Variants in IL4R observed in about 807,000 individuals in gnomAD.
IL4R encodes interleukin 4 receptor, also known as interleukin-4 receptor subunit alpha.
IL4R carries 17 observed loss-of-function variants against 41.5 expected under a neutral mutation model. The ratio of observed to expected loss-of-function variants is 0.41; its 90% CI spans 0.28 to 0.61. The LOEUF is 0.61. IL4R is among the 20% of genes least tolerant of loss of function. IL4R has a pLI of 0.31. For missense variants in IL4R, 974 were observed against 1,043.1 expected (o/e 0.93, Z 0.91); for synonymous variants, 402 against 422.9 (o/e 0.95, Z 0.61).
chr16:27,331,059 C>T (rs2141094573), intron 2 of IL4R, among the ~76,000 whole-genome samples: 1 of 152,116 alleles, frequency 6.6e-6, no homozygotes, highest in South Asian at 2.1e-4. Context: ...TCCCCCCAGA[C>T]TTCTCAAAAA....
At chr16:27,356,091 T>C (rs796672557) in intron 8 of IL4R, among the ~76,000 whole-genome samples, 184 bp downstream of exon 8, 14 of 127,786 alleles carry the variant, frequency 1.1e-4, no homozygotes, top group South Asian at 4.5e-4. Flanking sequence ...TTTCTTTTTT[T>C]TTTTTTTTTT....
At chr16:27,361,993 T>A (rs2086307847) in intron 10 of IL4R, among the ~76,000 whole-genome samples, 1 of 152,198 alleles carries the variant, frequency 6.6e-6, no homozygotes, top group Non-Finnish European at 1.5e-5. Context: ...ATAAAGACTT[T>A]TTCTTACTCA....
intron 2 of IL4R, among the ~76,000 whole-genome samples, chr16:27,335,036 C>G (rs1443034893): frequency 6.6e-6 from 1 of 152,102 alleles, no homozygotes; most frequent in Non-Finnish European, 1.5e-5. Flanking sequence ...GCACCCCTGG[C>G]ACTTCGTGAG....
chr16:27,358,870 C>A (rs748151455), intron 8 of IL4R, 46 bp from the exon 9 acceptor site: 38 of 1,431,588 alleles, frequency 2.7e-5, no homozygotes, highest in Non-Finnish European at 3.6e-5. Flanking sequence ...GGAGCGTTCA[C>A]CTGTCAATAA....
At chr16:27,359,107 T>A in intron 9 of IL4R, 113 bp downstream of exon 9, 1 of 784,804 alleles carries the variant, frequency 1.3e-6, no homozygotes, top group African/African-American at 1.7e-5. Context: ...AAATAGACAG[T>A]CAGGAGGGTT....
At chr16:27,351,418 A>G (rs773878987) in intron 6 of IL4R, among the ~76,000 whole-genome samples, 1 of 151,992 alleles carries the variant, frequency 6.6e-6, no homozygotes, top group Non-Finnish European at 1.5e-5. Flanking sequence ...ACTCGAGAAG[A>G]CCAGATGACA....
At chr16:27,325,231 C>G (rs913669331) in intron 1 of IL4R, among the ~76,000 whole-genome samples, 18 of 151,906 alleles carry the variant, frequency 1.2e-4, no homozygotes, top group Admixed American at 1.2e-3. Context: ...CCTGCCTATT[C>G]GCTGGGTCTT....
intron 2 of IL4R, among the ~76,000 whole-genome samples, chr16:27,333,789 C>T (rs1050667896): frequency 6.6e-6 from 1 of 152,034 alleles, no homozygotes; most frequent in Non-Finnish European, 1.5e-5. Flanking sequence ...AGCAGCATGT[C>T]AGAAGTGGGG....
At chr16:27,339,272 G>A (rs2085360312) in intron 2 of IL4R, among the ~76,000 whole-genome samples, 1 of 152,120 alleles carries the variant, frequency 6.6e-6, no homozygotes, top group African/African-American at 2.4e-5. Context: ...CCGAGTAGCT[G>A]GGACTAGAGA....
intron 8 of IL4R, among the ~76,000 whole-genome samples, chr16:27,358,159 G>A (rs1242114341): frequency 6.6e-6 from 1 of 152,212 alleles, no homozygotes; most frequent in Admixed American, 6.5e-5. Context: ...CTCCCAAAGT[G>A]CTGGGATTAC....
intron 8 of IL4R, 67 bp downstream of exon 8, chr16:27,355,974 C>G (rs2086060382): frequency 9.6e-7 from 1 of 1,046,256 alleles, no homozygotes; most frequent in Non-Finnish European, 1.5e-6. Context: ...ACTTGCCCCT[C>G]TAGTCTGCCC....
rs148323745 is a variant in IL4R, at chr16:27,362,268, C to T, written c.916C>T (p.Leu306Phe). ...CTTTTGCAGACACTGGAAGAATTGT[C>T]TTACCAAGCTCTTGCCCTGTTTTCT... ...PAKCPHWKNC[L>F]TKLLPCFLEH... Residue 306 changes from leucine (L) to phenylalanine (F), a missense_variant, in exon 11 of 11, where the codon CTT (leucine) becomes TTT (phenylalanine). Leu to Phe is a conservative substitution (Grantham distance 22). Transcript: ENST00000395762. The T allele has an allele frequency of 1.9e-6, 3 of 1,613,970 alleles. No homozygotes were observed. In the African/African-American group the frequency reaches 4.0e-5, roughly 22 times the overall value.
chr16:27,337,426 A>G (rs1213730042), intron 2 of IL4R, among the ~76,000 whole-genome samples: 2 of 152,184 alleles, frequency 1.3e-5, no homozygotes, highest in Non-Finnish European at 2.9e-5. Context: ...TGTTAATGGC[A>G]AAGAACTACT....
In IL4R at chr16:27,363,510, C is replaced by G; in HGVS notation, c.2158C>G (p.Leu720Val). ...GIVYSALTCHLCGHLKQCHGQ... is the reference protein window; with the variant it reads ...GIVYSALTCHVCGHLKQCHGQ... Reference sequence around the variant, plus strand: ...TGTCTACTCAGCCCTTACCTGCCACCTGTGCGGCCACCTGAAACAGTGTCA... The same window carrying G: ...TGTCTACTCAGCCCTTACCTGCCACGTGTGCGGCCACCTGAAACAGTGTCA... Residue 720 changes from leucine (L) to valine (V), a missense_variant, in exon 11 of 11, where the codon CTG (leucine) becomes GTG (valine). Physicochemically the swap from Leu to Val is conservative, Grantham distance 32. Around this residue, in one of 3 missense-constraint regions of IL4R, gnomAD observed 682 missense variants for 704.3 expected, o/e 0.97. Coordinates refer to ENST00000395762, the MANE Select transcript of IL4R (RefSeq NM_000418.4). 1.9e-6 allele frequency: 3 copies of G among 1,614,192 alleles called. No homozygotes were observed. Among genetic ancestry groups the G allele is most frequent in the Non-Finnish European group, 1.7e-6 (2 of 1,180,032 alleles).
chr16:27,346,754 C>A, intron 6 of IL4R, 136 bp downstream of exon 6: 1 of 934,588 alleles, frequency 1.1e-6, no homozygotes, highest in Non-Finnish European at 1.6e-6. Context: ...GAGCTAGAGA[C>A]CTGGCTTCTC....
rs141806567 is a variant in IL4R at position 27,322,649 on chromosome 16, G to A, written c.-151-7417G>A. On this transcript the variant is annotated intron_variant, in intron 1 of 10. Coordinates refer to ENST00000395762, the MANE Select transcript of IL4R (RefSeq NM_000418.4). ...CACTTGAGACCAGGAATTCAAGGCC[G>A]CAGTGAGCTATGATTGCTCCACTGC... Among the ~76,000 whole-genome samples, 308 of 152,234 alleles carry A rather than the reference G, an allele frequency of 2.0e-3. 3 individuals are homozygous for A. The highest frequency in any genetic ancestry group is 1.5e-3 in the Non-Finnish European group (105 of 68,006).
At chr16:27,356,931 A>T (rs1596534135) in intron 8 of IL4R, among the ~76,000 whole-genome samples, 1 of 152,134 alleles carries the variant, frequency 6.6e-6, no homozygotes, top group Non-Finnish European at 1.5e-5. Flanking sequence ...TGGTGGAAGG[A>T]GCCTCGTTTC....
chr16:27,350,974 C>G (rs1019275779), intron 6 of IL4R, among the ~76,000 whole-genome samples: 6 of 152,226 alleles, frequency 3.9e-5, no homozygotes, highest in Admixed American at 3.3e-4. Flanking sequence ...AATAATGGTA[C>G]TACCAGCTTC....
At chr16:27,356,708 T>C (rs1019722585) in intron 8 of IL4R, among the ~76,000 whole-genome samples, 2 of 152,064 alleles carry the variant, frequency 1.3e-5, no homozygotes, top group Non-Finnish European at 1.5e-5. Flanking sequence ...CCAGAGGAAT[T>C]TGCGACGATT....
Sources: allele counts gnomAD v4.1 joint callset (sites outside exome capture counted in the v4.1 genomes callset), GRCh38; gene constraint gnomAD v4.1.1; regional missense constraint gnomAD v4.1.1; transcripts MANE v1.5; gene names NCBI Gene and HGNC (gene_info 2026-07-23, HGNC 2026-07-21).